ADGRB1: variants seen among roughly 807,000 people sequenced by gnomAD.
ADGRB1 encodes brain-specific angiogenesis inhibitor 1.
In ADGRB1, 36 loss-of-function variants were observed where a neutral mutation model predicts 175.7. That is an observed-to-expected ratio of 0.20 (90% CI 0.16 to 0.27). The LOEUF (loss-of-function observed/expected upper bound fraction) is 0.27, where lower values mean the gene tolerates loss of function less well. ADGRB1 is among the 10% of genes least tolerant of loss of function. The pLI is 1.00. For missense variants in ADGRB1, 1,731 were observed against 2,255.3 expected (o/e 0.77, Z 4.71); for synonymous variants, 1,054 against 979.4 (o/e 1.08, Z -1.42).
rs928855324 is a variant in ADGRB1 at position 142,524,316 on chromosome 8, C to T, written c.3312+12C>T. On this transcript the variant is annotated intron_variant, in intron 23 of 30. Transcript: ENST00000517894. ...CTGCCGTTGTGCTGGTACTGACCCG[C>T]CCAGGCCCCACTCCCCACGACCCCA... The T allele has an allele frequency of 4.4e-6, 7 of 1,584,192 alleles. No individual in the cohort carries two copies. In the African/African-American group the frequency reaches 9.4e-5, roughly 21 times the overall value.
chr8:142,474,929 A>G lies in ADGRB1; in HGVS notation c.785-545A>G, dbSNP rs78832682. On this transcript the variant is annotated intron_variant, in intron 2 of 30. Coordinates refer to ENST00000517894, the MANE Select transcript of ADGRB1 (RefSeq NM_001702.3). The surrounding 1 kb of genome is among the most constrained non-coding windows in gnomAD (Gnocchi z 5.8). ...GTTGGACACCAGGTGTGAGGCCTTG[A>G]TCACCACTGGTATACCTGCGTGGGG... 8.5e-4 allele frequency among the ~76,000 whole-genome samples: 129 copies of G among 152,172 alleles called. No individual in the cohort carries two copies. Among genetic ancestry groups the G allele is most frequent in the African/African-American group, 3.0e-3 (125 of 41,520 alleles).
intron 17 of ADGRB1, among the ~76,000 whole-genome samples, chr8:142,499,349 C>G (rs900748842): frequency 1.3e-5 from 2 of 152,164 alleles, no homozygotes; most frequent in Non-Finnish European, 2.9e-5. Context: ...GGCTGCTCAG[C>G]AGGTGGGCAC....
rs1842041501 is a variant in ADGRB1 at position 142,492,791 on chromosome 8, A to C, written c.2675+1976A>C. 6.6e-6 allele frequency among the ~76,000 whole-genome samples: 1 copy of C among 152,124 alleles called. No homozygotes were observed. The highest frequency in any genetic ancestry group is 2.4e-5 in the African/African-American group (1 of 41,424). ...GAAAGCCCCCCTGCTTGCATGACCC[A>C]GGCCCACCCCTGGGCTTTGCATTTT... On this transcript the variant is annotated intron_variant, in intron 17 of 30. Coordinates refer to ENST00000517894, the MANE Select transcript of ADGRB1 (RefSeq NM_001702.3). The surrounding 1 kb of genome is among the most constrained non-coding windows in gnomAD (Gnocchi z 4.4).
intron 2 of ADGRB1, among the ~76,000 whole-genome samples, chr8:142,468,602 G>A (rs929638301): frequency 4.6e-5 from 7 of 152,212 alleles, no homozygotes; most frequent in East Asian, 3.9e-4. Flanking sequence ...GCACCTGCAC[G>A]GGAGATAGGC....
intron 4 of ADGRB1, 129 bp downstream of exon 4, chr8:142,476,824 G>T: frequency 9.5e-7 from 1 of 1,048,156 alleles, no homozygotes. Flanking sequence ...TAGGTGCAGG[G>T]CTCTTGTCTC....
intron 16 of ADGRB1, among the ~76,000 whole-genome samples, chr8:142,490,047 C>T (rs139095285): frequency 2.0e-5 from 3 of 152,290 alleles, no homozygotes; most frequent in South Asian, 2.1e-4. Flanking sequence ...CCAGGGAACA[C>T]GTTGCCTGGG....
intron 25 of ADGRB1, among the ~76,000 whole-genome samples, chr8:142,536,391 C>T (rs891714612): frequency 6.6e-6 from 1 of 152,204 alleles, no homozygotes; most frequent in African/African-American, 2.4e-5. Flanking sequence ...ATAAGCTCTG[C>T]TGGCCGCTGG....
Position 142,511,843 on chromosome 8 carries a change from G to T in ADGRB1, c.2817+770G>T, listed in dbSNP as rs561569439. The stretch of plus-strand genomic sequence containing the variant: ...AGGACAGCCCACAGAGCAGGAAAGG[G>T]CCTTGGGCGTGTGCTCACCAAGTAA... On this transcript the variant is annotated intron_variant, in intron 18 of 30. Transcript: ENST00000517894. This position sits in a 1 kb window ranked among gnomAD's most constrained non-coding sequence, Gnocchi z 4.5. Among the ~76,000 whole-genome samples, 105 of 152,368 alleles carry T rather than the reference G, an allele frequency of 6.9e-4. No homozygotes were observed. The highest frequency in any genetic ancestry group is 2.2e-3 in the African/African-American group (90 of 41,594).
intron 18 of ADGRB1, among the ~76,000 whole-genome samples, chr8:142,515,354 C>T (rs1198513052): frequency 6.6e-6 from 1 of 152,234 alleles, no homozygotes; most frequent in South Asian, 2.1e-4. Flanking sequence ...CAGGCCACCG[C>T]CCATCCCTTC....
chr8:142,533,578 C>T (rs1291012509), intron 25 of ADGRB1, 112 bp downstream of exon 25: 1 of 1,292,872 alleles, frequency 7.7e-7, no homozygotes. Context: ...GGCGCAGCAT[C>T]CATGACCCTG....
At position 142,481,510 on chromosome 8, in the gene ADGRB1, TC is replaced by T. The variant is rs1332694452; in HGVS notation, c.1936-5del. 8.9e-6 allele frequency: 14 copies of T among 1,573,152 alleles called. No individual in the cohort carries two copies. Among genetic ancestry groups the T allele is most frequent in the Non-Finnish European group, 1.2e-5 (14 of 1,157,456 alleles). On this transcript the variant is annotated splice_region_variant and splice_polypyrimidine_tract_variant and intron_variant, in intron 10 of 30. Transcript: ENST00000517894. ...GTGAAGGCACCCGCCCTCTCTGTCT[TC>T]CGCAGACCCGGGAGCACCTGGCCAA...
At position 142,477,393 on chromosome 8, in the gene ADGRB1, G is replaced by A. The variant is rs1841042971; in HGVS notation, c.1231G>A (p.Ala411Thr). Residue 411 changes from alanine (A) to threonine (T), a missense_variant, in exon 6 of 31, where the codon GCC (alanine) becomes ACC (threonine). Transcript: ENST00000517894. Reference protein sequence around the residue: ...NNSAVCPVHGAWDEWSPWSLC... With the variant: ...NNSAVCPVHGTWDEWSPWSLC... ...CTTCCGTCCCTCTGCAGTGCATGGT[G>A]CCTGGGATGAGTGGTCGCCCTGGAG... 1 of 1,608,172 alleles carries A rather than the reference G, an allele frequency of 6.2e-7. No homozygotes were observed. The highest frequency in any genetic ancestry group is 1.7e-5 in the Admixed American group (1 of 59,990).
intron 17 of ADGRB1, among the ~76,000 whole-genome samples, chr8:142,502,864 GA>G (rs1444647269): frequency 6.6e-6 from 1 of 151,898 alleles, no homozygotes; most frequent in Non-Finnish European, 1.5e-5. Flanking sequence ...TGGTGGTAGT[GA>G]CAGTACTGTT....
In ADGRB1 at chr8:142,475,000, C is replaced by T. The variant is rs1035150515; in HGVS notation, c.785-474C>T. Among the ~76,000 whole-genome samples the T allele has an allele frequency of 8.5e-5, 13 of 152,074 alleles. No homozygotes were observed. Among genetic ancestry groups the T allele is most frequent in the Non-Finnish European group, 1.5e-4 (10 of 67,984 alleles). ...ACAGCTGGGGTGTGAAATGTGGAGC[C>T]CTGGTGATGAGGGTGGTGACCCTCC... On this transcript the variant is annotated intron_variant, in intron 2 of 30. Coordinates refer to ENST00000517894, the MANE Select transcript of ADGRB1 (RefSeq NM_001702.3). This position sits in a 1 kb window ranked among gnomAD's most constrained non-coding sequence, Gnocchi z 5.8.
At chr8:142,539,633 A>G in intron 27 of ADGRB1, 4 of 607,958 alleles carry the variant, frequency 6.6e-6, no homozygotes, top group Admixed American at 2.9e-5. Flanking sequence ...AGGAGGGTCC[A>G]TGGGGCATGA....
chr8:142,543,197 C>T lies in ADGRB1; in HGVS notation c.4414-206C>T, dbSNP rs1845384944. Among the ~76,000 whole-genome samples, 1 of 152,174 alleles carries T rather than the reference C, an allele frequency of 6.6e-6. No individual in the cohort carries two copies. Among genetic ancestry groups the T allele is most frequent in the Non-Finnish European group, 1.5e-5 (1 of 68,018 alleles). ...GGGTAGGCGAGCCGGACACCCCAGCCCAGCCTTGGTGCTGCTCGCTGGCAC... is the reference window on the plus strand; with the variant it reads ...GGGTAGGCGAGCCGGACACCCCAGCTCAGCCTTGGTGCTGCTCGCTGGCAC... On this transcript the variant is annotated intron_variant, in intron 28 of 30. Transcript: ENST00000517894. This position sits in a 1 kb window ranked among gnomAD's most constrained non-coding sequence, Gnocchi z 4.4.
intron 24 of ADGRB1, among the ~76,000 whole-genome samples, chr8:142,528,451 A>G (rs761023445): frequency 2.6e-5 from 4 of 152,122 alleles, no homozygotes; most frequent in Non-Finnish European, 4.4e-5. Context: ...TGGACTCCTG[A>G]GGGGCTGGTT....
Position 142,537,244 on chromosome 8 carries a change from G to A in ADGRB1, c.3666+162G>A, listed in dbSNP as rs527856062. ...AGTTGGGGAAACTGAGGCTCGCCAAGTGGAACCCCTGGTCCGGGGTTTCCA... is the reference window on the plus strand; with the variant it reads ...AGTTGGGGAAACTGAGGCTCGCCAAATGGAACCCCTGGTCCGGGGTTTCCA... On this transcript the variant is annotated intron_variant, in intron 26 of 30. Coordinates refer to ENST00000517894, the MANE Select transcript of ADGRB1 (RefSeq NM_001702.3). This position sits in a 1 kb window ranked among gnomAD's most constrained non-coding sequence, Gnocchi z 4.6. Among the ~76,000 whole-genome samples, 1 of 152,218 alleles carries A rather than the reference G, an allele frequency of 6.6e-6. No homozygotes were observed. The highest frequency in any genetic ancestry group is 2.1e-4 in the South Asian group (1 of 4,830).
At chr8:142,525,978 G>C (rs556745688) in intron 23 of ADGRB1, among the ~76,000 whole-genome samples, 5 of 152,192 alleles carry the variant, frequency 3.3e-5, no homozygotes, top group African/African-American at 1.2e-4. Context: ...GGGTGCTCCA[G>C]GAACAGCTCT....
Sources: allele counts gnomAD v4.1 joint callset (sites outside exome capture counted in the v4.1 genomes callset), GRCh38; gene constraint gnomAD v4.1.1; non-coding constraint Gnocchi (gnomAD v3.1); transcripts MANE v1.5; gene names NCBI Gene and HGNC (gene_info 2026-07-23, HGNC 2026-07-21).